USP9X: variants seen among roughly 807,000 people sequenced by gnomAD.
USP9X encodes the protein ubiquitin carboxyl-terminal hydrolase 9X.
In USP9X, 7 loss-of-function variants were observed where a neutral mutation model predicts 190.3. The observed-to-expected ratio is 0.04, with a 90% CI of 0.02 to 0.07. USP9X has a LOEUF of 0.07. Among genes scored for constraint, USP9X ranks in the 10% least tolerant of loss-of-function variants. The pLI, the probability that USP9X is intolerant of heterozygous loss-of-function variation, is 1.00. For synonymous variants in USP9X, 645 were observed against 659.5 expected, an observed-to-expected ratio of 0.98 and a Z score of 0.34; for missense variants, 1,010 against 1,916.9, an observed-to-expected ratio of 0.53 and a Z score of 8.83.
intron 32 of USP9X, among the ~76,000 whole-genome samples, chrX:41,208,782 A>G (rs2063130630): frequency 1.8e-5 from 2 of 109,644 alleles, no homozygotes; most frequent in South Asian, 3.9e-4. Flanking sequence ...ATCTCGGCTC[A>G]CTGCAAGCTC....
chrX:41,218,810 G>A (rs1258344324), intron 37 of USP9X, among the ~76,000 whole-genome samples: 1 of 111,914 alleles, frequency 8.9e-6, no homozygotes, highest in East Asian at 2.8e-4. Context: ...TTCTCTGTTC[G>A]GTTACATGCA....
At chrX:41,151,834 A>T (rs2062528864) in intron 13 of USP9X, among the ~76,000 whole-genome samples, 1 of 112,042 alleles carries the variant, frequency 8.9e-6, no homozygotes, top group Non-Finnish European at 1.9e-5. Flanking sequence ...TACAAAAATT[A>T]GCCGGGCGTG....
At chrX:41,181,076 A>G (rs1381686265) in intron 21 of USP9X, among the ~76,000 whole-genome samples, 1 of 110,912 alleles carries the variant, frequency 9.0e-6, no homozygotes, top group Admixed American at 9.7e-5. Context: ...TGTTAAACTT[A>G]AAACTTCTGC....
At chrX:41,099,096 G>GTTTTTTTTTTTTTTTTTTTTTTTTTTTTT (rs34179321) in intron 1 of USP9X, among the ~76,000 whole-genome samples, 1 of 44,274 alleles carries the variant, frequency 2.3e-5, no homozygotes, top group African/African-American at 1.0e-4. Context: ...CCAGATAATT[G>GTTTTTTTTTTTTTTTTTTTTTTTTTTTTT]TTTTTTTTTT....
At chrX:41,198,446 A>T in intron 29 of USP9X, 82 bp from the exon 30 acceptor site, 1 of 617,820 alleles carries the variant, frequency 1.6e-6, no homozygotes, top group Non-Finnish European at 2.3e-6. Context: ...AGTAATTTTA[A>T]AATGATTTAC....
intron 1 of USP9X, among the ~76,000 whole-genome samples, chrX:41,106,480 A>T (rs1370497232): frequency 9.6e-6 from 1 of 103,844 alleles, no homozygotes; most frequent in Non-Finnish European, 2.0e-5. Context: ...GTGTCTTGTC[A>T]TGCTCCTCCG....
At chrX:41,162,463 C>T (rs2062642181) in intron 14 of USP9X, among the ~76,000 whole-genome samples, 1 of 112,081 alleles carries the variant, frequency 8.9e-6, no homozygotes, top group Non-Finnish European at 1.9e-5. Flanking sequence ...TTTTGTCTTC[C>T]TTATCAGTTC....
At chrX:41,144,428 G>A in intron 10 of USP9X, 94 bp from the exon 11 acceptor site, 1 of 691,157 alleles carries the variant, frequency 1.4e-6, no homozygotes, top group Non-Finnish European at 2.3e-6. Flanking sequence ...GAAGGAGATA[G>A]GAGTACTTTA....
intron 32 of USP9X, among the ~76,000 whole-genome samples, chrX:41,206,188 G>A (rs2063093973): frequency 9.0e-6 from 1 of 111,591 alleles, no homozygotes; most frequent in Admixed American, 9.6e-5. Flanking sequence ...ACTGTGCCCG[G>A]CCCCTACCTA....
chrX:41,209,607 A>G (rs2063141451), intron 32 of USP9X, among the ~76,000 whole-genome samples: 1 of 111,660 alleles, frequency 9.0e-6, no homozygotes, highest in Non-Finnish European at 1.9e-5. Context: ...ACATGTTTGA[A>G]AGTTTGAGGA....
At chrX:41,103,093 C>T (rs2062046258) in intron 1 of USP9X, among the ~76,000 whole-genome samples, 1 of 112,365 alleles carries the variant, frequency 8.9e-6, no homozygotes, top group African/African-American at 3.2e-5. Context: ...CACGCCCGGC[C>T]TAACTTTGAG....
intron 1 of USP9X, among the ~76,000 whole-genome samples, chrX:41,094,294 A>T (rs1476010024): frequency 9.2e-6 from 1 of 108,545 alleles, no homozygotes; most frequent in African/African-American, 3.4e-5. Flanking sequence ...CTCCAGCCTC[A>T]ACCTCCTGAG....
intron 38 of USP9X, among the ~76,000 whole-genome samples, chrX:41,222,058 G>A (rs1405926855): frequency 3.6e-5 from 4 of 111,571 alleles, no homozygotes; most frequent in Admixed American, 1.9e-4. Flanking sequence ...TGTATGTATG[G>A]GAAGAAAGGG....
In USP9X at chrX:41,236,399, C is replaced by T. The variant is rs1413365866; in HGVS notation, c.*3875C>T. On this transcript the variant is annotated 3_prime_UTR_variant, in exon 45 of 45. Transcript: ENST00000378308. ...GTGTAAGAGAAGCGGGGGCAAGGTG[C>T]ACCACATTTTAAAACTGCAAATGTG... 8.9e-6 allele frequency: 1 copy of T among 111,732 alleles called. No homozygotes were observed. Among genetic ancestry groups the T allele is most frequent in the Non-Finnish European group, 1.9e-5 (1 of 53,053 alleles). 9.2% of individuals were successfully genotyped at this position (111,732 alleles called of 1,213,427 possible).
chrX:41,091,734 A>G (rs1041466056), intron 1 of USP9X, among the ~76,000 whole-genome samples: 2 of 112,055 alleles, frequency 1.8e-5, no homozygotes, highest in Non-Finnish European at 3.8e-5. Flanking sequence ...TTTTCAGATG[A>G]AAAAAATGGC....
chrX:41,101,720 C>T (rs757040299), intron 1 of USP9X, among the ~76,000 whole-genome samples: 3 of 112,334 alleles, frequency 2.7e-5, no homozygotes, highest in East Asian at 2.8e-4. Context: ...GAGGATACTT[C>T]TTCTCAGATC....
intron 29 of USP9X, among the ~76,000 whole-genome samples, chrX:41,198,290 T>C (rs1316370484): frequency 2.7e-5 from 3 of 112,384 alleles, no homozygotes; most frequent in African/African-American, 9.7e-5. Context: ...TGATAAGTAC[T>C]ATATTCAGTT....
intron 41 of USP9X, 44 bp from the exon 42 acceptor site, chrX:41,229,209 A>C (rs1292129963): frequency 2.8e-6 from 3 of 1,064,108 alleles, no homozygotes; most frequent in Middle Eastern, 2.7e-4. Flanking sequence ...TATATTAGCT[A>C]TTAGATTTTA....
rs992222004 is a variant in USP9X at position 41,085,574 on chromosome X, C to G, written c.-694C>G. 6 of 263,750 alleles carry G rather than the reference C, an allele frequency of 2.3e-5. No individual in the cohort carries two copies. In the East Asian group the frequency reaches 3.3e-4, roughly 14 times the overall value. 21.7% of individuals were successfully genotyped at this position (263,750 alleles called of 1,213,427 possible). A position where few individuals can be genotyped will look rare whatever the true frequency, so the allele number is the denominator to read the frequency against. Reference sequence around the variant, plus strand: ...GCCTCTGTCGCGCCTAGCCCCTCCCCGCCTTACACAGCTCCCGGGCCTCGC... The same window carrying G: ...GCCTCTGTCGCGCCTAGCCCCTCCCGGCCTTACACAGCTCCCGGGCCTCGC... On this transcript the variant is annotated 5_prime_UTR_variant, in exon 1 of 45. Transcript: ENST00000378308.
Sources: gnomAD v4.1 joint callset for allele counts (sites outside exome capture counted in the v4.1 genomes callset) on GRCh38, gnomAD v4.1.1 for gene constraint, MANE v1.5 for transcripts, NCBI Gene and HGNC (gene_info 2026-07-23, HGNC 2026-07-21) for gene names.